Variants in XYLB observed in about 807,000 individuals in gnomAD.
XYLB encodes the protein xylulose kinase.
In XYLB, 62 loss-of-function variants were observed where a neutral mutation model predicts 78.7. The ratio of observed to expected loss-of-function variants is 0.79; its 90% confidence interval spans 0.64 to 0.97. The LOEUF is 0.97. Among genes scored for constraint, XYLB ranks in the 50% least tolerant of loss-of-function variants. XYLB has a pLI of 0.00. For synonymous variants in XYLB, 245 were observed against 247.4 expected, an observed-to-expected ratio of 0.99 and a Z score of 0.09; for missense variants, 687 against 676.8, an observed-to-expected ratio of 1.02 and a Z score of -0.17.
At chr3:38,365,921 G>A (rs1474987135) in intron 6 of XYLB, among the ~76,000 whole-genome samples, 185 bp downstream of exon 6, 3 of 152,114 alleles carry the variant, frequency 2.0e-5, no homozygotes, top group Admixed American at 1.3e-4. Context: ...AGGCCAGGCT[G>A]GGTGTGCACA....
downstream of XYLB, among the ~76,000 whole-genome samples, chr3:38,418,504 A>G (rs2125690650): frequency 6.6e-6 from 1 of 152,342 alleles, no homozygotes; most frequent in South Asian, 2.1e-4. Flanking sequence ...CAACATATGT[A>G]TAAGGTTATT....
chr3:38,358,014 T>C (rs1156318152), intron 2 of XYLB, among the ~76,000 whole-genome samples: 1 of 151,862 alleles, frequency 6.6e-6, no homozygotes, highest in African/African-American at 2.4e-5. Context: ...TGATGATCCT[T>C]TGAAGCAATG....
chr3:38,433,173 C>G, the XYLB span, among the ~76,000 whole-genome samples: 1 of 152,238 alleles, frequency 6.6e-6, no homozygotes, highest in African/African-American at 2.4e-5. Context: ...AGGCTCAGGG[C>G]TTGCACCCTC....
the XYLB span, among the ~76,000 whole-genome samples, chr3:38,434,122 A>G: frequency 1.3e-5 from 2 of 152,194 alleles, no homozygotes; most frequent in Non-Finnish European, 2.9e-5. Flanking sequence ...CTCACTCACT[A>G]TCATGAGAAC....
At position 38,364,410 on chromosome 3, in the gene XYLB, G is replaced by C. The variant is rs893490963; in HGVS notation, c.292-789G>C. Among the ~76,000 whole-genome samples the C allele has an allele frequency of 2.0e-5, 3 of 151,738 alleles. No homozygotes were observed. The East Asian group carries it at 5.8e-4, about 29-fold the overall frequency. On this transcript the variant is annotated intron_variant, in intron 4 of 18. Transcript: ENST00000207870. ...CTTTAATACATTCAGCTCTGTGCAC[G>C]CTGCTCCCCCTGGTAATCCAGGGTT...
chr3:38,429,811 G>C, the XYLB span, among the ~76,000 whole-genome samples: 5 of 152,202 alleles, frequency 3.3e-5, no homozygotes, highest in South Asian at 8.3e-4. Flanking sequence ...GTGGTGTTTG[G>C]TTTTCTGTCC....
intron 2 of XYLB, among the ~76,000 whole-genome samples, chr3:38,355,160 A>G (rs1442451008): frequency 1.3e-5 from 2 of 152,242 alleles, no homozygotes; most frequent in Admixed American, 1.3e-4. Context: ...AAGCAGCCTT[A>G]TGTGCTTCTG....
In XYLB at chr3:38,347,222, G is replaced by A. The variant is rs989697949; in HGVS notation, c.57+297G>A. ...CGGCAGGACCCCCGGTGCCCAGAGG[G>A]GCCGGAGGACTCGGCGGGTTCCTGC... On this transcript the variant is annotated intron_variant, in intron 1 of 18. Coordinates refer to ENST00000207870, the MANE Select transcript of XYLB (RefSeq NM_005108.4). 5.3e-5 allele frequency among the ~76,000 whole-genome samples: 8 copies of A among 152,322 alleles called. No homozygotes were observed. In the East Asian group the frequency reaches 1.4e-3, roughly 26 times the overall value.
intron 15 of XYLB, among the ~76,000 whole-genome samples, chr3:38,383,090 C>A (rs1271527674): frequency 6.6e-6 from 1 of 152,232 alleles, no homozygotes; most frequent in Non-Finnish European, 1.5e-5. Context: ...GTGATACTAA[C>A]AGCTGCCAGC....
chr3:38,431,446 TG>T, the XYLB span, among the ~76,000 whole-genome samples: 1 of 152,224 alleles, frequency 6.6e-6, no homozygotes. Flanking sequence ...TAAGGAGATT[TG>T]GGGCTGAGAC....
intron 6 of XYLB, 96 bp from the exon 7 acceptor site, chr3:38,366,712 C>G (rs961722068): frequency 3.6e-6 from 3 of 840,922 alleles, no homozygotes; most frequent in South Asian, 3.0e-5. Flanking sequence ...GGTACCTACT[C>G]CTATCCAGAG....
At chr3:38,429,427 A>G in the XYLB span, among the ~76,000 whole-genome samples, 1 of 152,162 alleles carries the variant, frequency 6.6e-6, no homozygotes, top group African/African-American at 2.4e-5. Flanking sequence ...TTAGTTTGCT[A>G]GGGCTGCCAT....
the XYLB span, among the ~76,000 whole-genome samples, chr3:38,432,125 C>T: frequency 6.6e-6 from 1 of 152,164 alleles, no homozygotes; most frequent in Non-Finnish European, 1.5e-5. Flanking sequence ...TCCCAAATCT[C>T]TGTCCTCACA....
At chr3:38,361,068 G>A (rs957142305) in intron 3 of XYLB, among the ~76,000 whole-genome samples, 1 of 152,120 alleles carries the variant, frequency 6.6e-6, no homozygotes, top group Non-Finnish European at 1.5e-5. Context: ...TACAAACATA[G>A]CCCTTAGGGT....
At chr3:38,361,453 G>A (rs868486155) in intron 3 of XYLB, among the ~76,000 whole-genome samples, 2 of 152,068 alleles carry the variant, frequency 1.3e-5, no homozygotes, top group African/African-American at 4.8e-5. Flanking sequence ...TTTTATTGGT[G>A]TAACCCTGAT....
At chr3:38,398,983 T>G (rs1486613281) in intron 17 of XYLB, among the ~76,000 whole-genome samples, 1 of 151,900 alleles carries the variant, frequency 6.6e-6, no homozygotes, top group Admixed American at 6.5e-5. Flanking sequence ...AGTGAGCTGT[T>G]GCAGTGAGCC....
the XYLB span, chr3:38,452,900 C>T: frequency 6.6e-6 from 1 of 152,204 alleles, no homozygotes; most frequent in Non-Finnish European, 1.5e-5. Context: ...CTGCTCCTGC[C>T]CTGCTCCAAG....
intron 15 of XYLB, among the ~76,000 whole-genome samples, chr3:38,382,156 C>T (rs1260662558): frequency 6.6e-6 from 1 of 152,038 alleles, no homozygotes; most frequent in Admixed American, 6.6e-5. Flanking sequence ...GGCAGGTTCC[C>T]CGATAATGGT....
chr3:38,417,321 A>G (rs1452389321), downstream of XYLB, among the ~76,000 whole-genome samples: 1 of 151,992 alleles, frequency 6.6e-6, no homozygotes, highest in Non-Finnish European at 1.5e-5. Context: ...CTAGAAATTT[A>G]TGACTCTTCT....
Sources: gnomAD v4.1 joint callset for allele counts (sites outside exome capture counted in the v4.1 genomes callset) on GRCh38, gnomAD v4.1.1 for gene constraint, MANE v1.5 for transcripts, NCBI Gene and HGNC (gene_info 2026-07-23, HGNC 2026-07-21) for gene names.